PTK2: variants seen among roughly 807,000 people sequenced by gnomAD.
PTK2 encodes focal adhesion kinase 1.
In PTK2, 45 loss-of-function variants were observed where a neutral mutation model predicts 150.1. The ratio of observed to expected loss-of-function variants is 0.30; its 90% CI spans 0.24 to 0.38. The LOEUF is 0.38. Ranked by LOEUF, PTK2 falls within the 10% of genes least tolerant of loss-of-function variation. The pLI is 1.00. For synonymous variants in PTK2, 432 were observed against 449.2 expected (o/e 0.96, Z 0.48); for missense variants, 919 against 1,307.3 (o/e 0.70, Z 4.58).
chr8:140,883,282 C>G (rs1171901297), intron 3 of PTK2, among the ~76,000 whole-genome samples: 1 of 152,134 alleles, frequency 6.6e-6, no homozygotes, highest in Non-Finnish European at 1.5e-5. Context: ...TTCTGACCCT[C>G]AGAAGTCTTA....
chr8:140,779,030 G>A (rs2100080097), intron 14 of PTK2, among the ~76,000 whole-genome samples: 1 of 152,062 alleles, frequency 6.6e-6, no homozygotes, highest in African/African-American at 2.4e-5. Context: ...GGAGGCCAAG[G>A]AGGGCAGATC....
At chr8:140,763,313 A>ATATT (rs2100070380) in intron 15 of PTK2, among the ~76,000 whole-genome samples, 3 of 152,188 alleles carry the variant, frequency 2.0e-5, no homozygotes, top group African/African-American at 7.2e-5. Flanking sequence ...ATTTACAAGA[A>ATATT]TATTTATACT....
At chr8:140,668,419 C>T (rs1287733446) in exon 30 of PTK2, 3 of 1,609,036 alleles carry the variant, frequency 1.9e-6, no homozygotes, top group Non-Finnish European at 2.5e-6. Context: ...TTTCCTGGGG[C>T]TGAAGCTGAC....
chr8:140,853,199 T>A (rs1055475319), intron 5 of PTK2, among the ~76,000 whole-genome samples: 2 of 152,004 alleles, frequency 1.3e-5, no homozygotes, highest in Admixed American at 1.3e-4. Flanking sequence ...CACTCTTTTT[T>A]TTTTTTAATA....
intron 14 of PTK2, among the ~76,000 whole-genome samples, chr8:140,777,806 C>T (rs1442538724): frequency 6.6e-6 from 1 of 152,194 alleles, no homozygotes; most frequent in Non-Finnish European, 1.5e-5. Context: ...ACTCTTCCCT[C>T]AGATCAGGGT....
chr8:140,707,355 C>G (rs1159332206), intron 23 of PTK2, among the ~76,000 whole-genome samples: 1 of 152,130 alleles, frequency 6.6e-6, no homozygotes, highest in East Asian at 1.9e-4. Flanking sequence ...AAACAAAAGT[C>G]CTAAAACTGG....
At chr8:140,892,636 T>TAA (rs374677357) in intron 2 of PTK2, 27 of 361,240 alleles carry the variant, frequency 7.5e-5, no homozygotes, top group African/African-American at 2.4e-4. Context: ...TCCAATTAGT[T>TAA]AAAAAAAAAA....
At chr8:140,921,207 CTCTGTGTTCCTAGAT>C (rs2100167280) in intron 2 of PTK2, 27 of 922,592 alleles carry the variant, frequency 2.9e-5, no homozygotes, top group Non-Finnish European at 3.5e-5. Flanking sequence ...GACCCCATGG[CTCTGTGTTCCTAGAT>C]TCATTCAGGG....
At chr8:140,908,650 A>G (rs1200650559) in intron 2 of PTK2, among the ~76,000 whole-genome samples, 1 of 152,136 alleles carries the variant, frequency 6.6e-6, no homozygotes, top group Admixed American at 6.5e-5. Context: ...GAATGATGCT[A>G]AATCCACTGT....
chr8:140,920,759 C>A, intron 2 of PTK2: 1 of 1,328,964 alleles, frequency 7.5e-7, no homozygotes, highest in South Asian at 1.8e-5. Context: ...TCTACCTTTT[C>A]GGTGCAAAAG....
At chr8:140,691,912 C>T (rs917261270) in intron 26 of PTK2, among the ~76,000 whole-genome samples, 2 of 152,162 alleles carry the variant, frequency 1.3e-5, no homozygotes, top group African/African-American at 2.4e-5. Context: ...TGGGGTAACA[C>T]AGCTCTTAAA....
intron 1 of PTK2, among the ~76,000 whole-genome samples, chr8:140,968,832 C>CA (rs1180613283): frequency 6.6e-6 from 1 of 151,854 alleles, no homozygotes; most frequent in African/African-American, 2.4e-5. Flanking sequence ...GAACAGACAC[C>CA]AAAAAAAGGA....
At chr8:140,991,373 A>C (rs2100195646) in intron 1 of PTK2, among the ~76,000 whole-genome samples, 1 of 152,234 alleles carries the variant, frequency 6.6e-6, no homozygotes, top group African/African-American at 2.4e-5. Context: ...AAAAGCCACA[A>C]GTCCAGGAGC....
At chr8:140,702,038 G>C (rs1437364559) in intron 25 of PTK2, among the ~76,000 whole-genome samples, 1 of 136,074 alleles carries the variant, frequency 7.3e-6, no homozygotes, top group Non-Finnish European at 1.5e-5. Context: ...TGAGGCGGGA[G>C]AATTGCTTGA....
intron 3 of PTK2, among the ~76,000 whole-genome samples, chr8:140,886,822 G>GA (rs2100152505): frequency 6.6e-6 from 1 of 152,194 alleles, no homozygotes; most frequent in Non-Finnish European, 1.5e-5. Context: ...CATTGCTGAT[G>GA]AAAAGTCTGG....
chr8:140,671,230 T>C (rs1279952480), intron 29 of PTK2, among the ~76,000 whole-genome samples: 1 of 152,234 alleles, frequency 6.6e-6, no homozygotes, highest in Non-Finnish European at 1.5e-5. Context: ...ATTTTAGTAT[T>C]AGTTTTTTTT....
chr8:140,956,200 C>CA (rs1376249695), intron 1 of PTK2, among the ~76,000 whole-genome samples: 2 of 152,196 alleles, frequency 1.3e-5, no homozygotes, highest in African/African-American at 4.8e-5. Flanking sequence ...ATGCAAAAGT[C>CA]AGAGTCAAAA....
chr8:140,930,091 C>T (rs1024686198), intron 1 of PTK2, among the ~76,000 whole-genome samples: 4 of 152,110 alleles, frequency 2.6e-5, no homozygotes, highest in African/African-American at 9.7e-5. Context: ...CAATAAATCT[C>T]CTCTCAGTTT....
At chr8:140,738,913 T>G (rs1311998354) in intron 21 of PTK2, 105 bp downstream of exon 24, 2 of 659,538 alleles carry the variant, frequency 3.0e-6, no homozygotes, top group Admixed American at 6.8e-5. Context: ...ATGATCAGGT[T>G]AGGGAAGGCA....
Sources: allele counts gnomAD v4.1 joint callset (sites outside exome capture counted in the v4.1 genomes callset), GRCh38; gene constraint gnomAD v4.1.1; transcripts MANE v1.5; gene names NCBI Gene and HGNC (gene_info 2026-07-23, HGNC 2026-07-21).